The following ERBB4 variants were observed in gnomAD, a reference collection of about 807,000 sequenced individuals.
The protein encoded by ERBB4 is receptor tyrosine-protein kinase erbB-4.
In ERBB4, 42 loss-of-function variants were observed where a neutral mutation model predicts 158.0. The ratio of observed to expected loss-of-function variants is 0.27; its 90% CI spans 0.21 to 0.34. The LOEUF is 0.34. ERBB4 is among the 10% of genes least tolerant of loss of function. ERBB4 has a pLI of 1.00. For missense variants in ERBB4, 1,333 were observed against 1,624.1 expected (o/e 0.82, Z 3.08); for synonymous variants, 583 against 558.7 (o/e 1.04, Z -0.61).
chr2:211,879,998 TATAA>T (rs2078619704), intron 3 of ERBB4, among the ~76,000 whole-genome samples: 2 of 150,718 alleles, frequency 1.3e-5, no homozygotes, highest in South Asian at 2.1e-4. Flanking sequence ...AAAATAAATA[TATAA>T]ATAAAGCATA....
At chr2:212,082,852 C>T (rs951033833) in intron 2 of ERBB4, among the ~76,000 whole-genome samples, 13 of 152,080 alleles carry the variant, frequency 8.5e-5, no homozygotes, top group Non-Finnish European at 1.3e-4. Context: ...GTAGGTAAAA[C>T]GACAAGAACA....
chr2:211,482,513 C>T (rs899068895), intron 20 of ERBB4, among the ~76,000 whole-genome samples: 2 of 152,126 alleles, frequency 1.3e-5, no homozygotes, highest in Admixed American at 1.3e-4. Flanking sequence ...TAAAAATAAC[C>T]TAACTTTCAA....
rs778794196 is a variant in ERBB4 at position 211,623,883 on chromosome 2, A to G, written c.2202+39T>C. 27 of 1,609,360 alleles carry G rather than the reference A, an allele frequency of 1.7e-5. No individual in the cohort carries two copies. In the East Asian group the frequency reaches 3.6e-4, roughly 21 times the overall value. On this transcript the variant is annotated intron_variant, in intron 18 of 27. Coordinates refer to ENST00000342788, the MANE Select transcript of ERBB4 (RefSeq NM_005235.3). Reference sequence around the variant, plus strand: ...GGCTATTATTTTCTAAACATCTAAAACAAAACTTAACTAACGATATGCGTT... The same window carrying G: ...GGCTATTATTTTCTAAACATCTAAAGCAAAACTTAACTAACGATATGCGTT...
chr2:212,147,326 T>C (rs2080716621), intron 1 of ERBB4, among the ~76,000 whole-genome samples: 1 of 151,768 alleles, frequency 6.6e-6, no homozygotes, highest in Non-Finnish European at 1.5e-5. Context: ...AAAAGAAGAA[T>C]TACAATATTA....
chr2:211,861,224 G>A (rs1482171223), intron 3 of ERBB4, among the ~76,000 whole-genome samples: 1 of 127,722 alleles, frequency 7.8e-6, no homozygotes, highest in Non-Finnish European at 1.6e-5. Flanking sequence ...GAGTGCAGTG[G>A]TGTGATTATG....
intron 3 of ERBB4, among the ~76,000 whole-genome samples, chr2:211,873,999 T>C (rs2078427984): frequency 6.6e-6 from 1 of 152,078 alleles, no homozygotes; most frequent in Non-Finnish European, 1.5e-5. Flanking sequence ...GTGAATGTGT[T>C]AAAAGCTTTG....
intron 3 of ERBB4, among the ~76,000 whole-genome samples, chr2:211,905,865 G>A (rs1330830695): frequency 2.7e-5 from 4 of 150,508 alleles, no homozygotes; most frequent in African/African-American, 9.8e-5. Flanking sequence ...AGAGTTTATG[G>A]GGGACAATTT....
chr2:211,956,536 G>A (rs72935720), intron 2 of ERBB4, among the ~76,000 whole-genome samples: 2,537 of 151,942 alleles, frequency 0.017, 36 homozygotes, highest in Non-Finnish European at 0.024. Context: ...TTGACCTTGC[G>A]CAAATTATTC....
At chr2:211,627,481 G>A (rs555945940) in intron 17 of ERBB4, among the ~76,000 whole-genome samples, 45 of 152,318 alleles carry the variant, frequency 3.0e-4, no homozygotes, top group African/African-American at 9.9e-4. Context: ...TCCCTAGAAA[G>A]TGTTTTCCTA....
intron 1 of ERBB4, among the ~76,000 whole-genome samples, chr2:212,294,423 T>G (rs2086333078): frequency 1.3e-5 from 2 of 152,060 alleles, no homozygotes; most frequent in Non-Finnish European, 2.9e-5. Context: ...TTGTTGTTGT[T>G]GTTCTTGTTT....
At chr2:212,161,534 G>T (rs1477395239) in intron 1 of ERBB4, among the ~76,000 whole-genome samples, 1 of 151,814 alleles carries the variant, frequency 6.6e-6, no homozygotes, top group Non-Finnish European at 1.5e-5. Flanking sequence ...TTTTGTATTA[G>T]GAGTTTATGT....
chr2:212,175,383 T>A (rs1462706357), intron 1 of ERBB4, among the ~76,000 whole-genome samples: 1 of 151,966 alleles, frequency 6.6e-6, no homozygotes, highest in African/African-American at 2.4e-5. Flanking sequence ...TCTCTCTGCT[T>A]TCCTTTCTCC....
At chr2:211,594,012 C>A (rs2125798463) in intron 19 of ERBB4, among the ~76,000 whole-genome samples, 1 of 152,302 alleles carries the variant, frequency 6.6e-6, no homozygotes, top group African/African-American at 2.4e-5. Flanking sequence ...ATGTCCAATC[C>A]TACTTCCTAC....
At chr2:212,321,010 C>CT (rs1412648772) in intron 1 of ERBB4, among the ~76,000 whole-genome samples, 1 of 149,894 alleles carries the variant, frequency 6.7e-6, no homozygotes, top group African/African-American at 2.4e-5. Context: ...GAAATATACC[C>CT]TATTACCAGA....
intron 1 of ERBB4, among the ~76,000 whole-genome samples, chr2:212,202,947 C>A (rs2082630472): frequency 6.6e-6 from 1 of 151,268 alleles, no homozygotes; most frequent in South Asian, 2.1e-4. Flanking sequence ...ATAACAAAAC[C>A]ATAATAATAC....
chr2:211,904,629 C>A (rs1377679517), intron 3 of ERBB4, among the ~76,000 whole-genome samples: 5 of 151,964 alleles, frequency 3.3e-5, no homozygotes, highest in African/African-American at 1.2e-4. Context: ...TTATTACTAT[C>A]CCACAGTTGA....
intron 2 of ERBB4, among the ~76,000 whole-genome samples, chr2:212,098,988 A>G (rs553167280): frequency 3.9e-5 from 6 of 152,044 alleles, no homozygotes; most frequent in African/African-American, 1.4e-4. Flanking sequence ...GCATATTAAA[A>G]GGCTACTGCT....
At chr2:211,495,404 T>C (rs1342077810) in intron 20 of ERBB4, among the ~76,000 whole-genome samples, 2 of 150,062 alleles carry the variant, frequency 1.3e-5, no homozygotes, top group Non-Finnish European at 2.9e-5. Context: ...TCTTCTCTTA[T>C]GAGAGAGCTG....
intron 3 of ERBB4, among the ~76,000 whole-genome samples, chr2:211,798,746 A>G (rs2076436026): frequency 6.6e-6 from 1 of 152,174 alleles, no homozygotes; most frequent in South Asian, 2.1e-4. Context: ...TGCCTAGCAT[A>G]ACAATTTTAG....
Sources: allele counts gnomAD v4.1 joint callset (sites outside exome capture counted in the v4.1 genomes callset), GRCh38; gene constraint gnomAD v4.1.1; transcripts MANE v1.5; gene names NCBI Gene and HGNC (gene_info 2026-07-23, HGNC 2026-07-21).